Variants in UBE2D2 observed in about 807,000 individuals in gnomAD.
UBE2D2 encodes the protein ubiquitin-conjugating enzyme E2 D2.
Under a neutral mutation model 24.2 loss-of-function variants are expected in UBE2D2, and 2 were observed. The ratio of observed to expected loss-of-function variants is 0.08; its 90% CI spans 0.03 to 0.26. The LOEUF (loss-of-function observed/expected upper bound fraction) is 0.26, where lower values mean the gene tolerates loss of function less well. UBE2D2 is among the 10% of genes least tolerant of loss of function. UBE2D2 has a pLI of 1.00. For synonymous variants in UBE2D2, 58 were observed against 56.5 expected (o/e 1.03, Z -0.12); for missense variants, 44 against 177.6 (o/e 0.25, Z 4.28).
chr5:139,575,530 A>G (rs1461821830), intron 1 of UBE2D2, among the ~76,000 whole-genome samples: 1 of 152,214 alleles, frequency 6.6e-6, no homozygotes, highest in Non-Finnish European at 1.5e-5. Flanking sequence ...AGCAAACTTC[A>G]AAATACTGTC....
intron 1 of UBE2D2, among the ~76,000 whole-genome samples, chr5:139,590,141 A>C (rs1284898072): frequency 6.6e-6 from 1 of 152,196 alleles, no homozygotes; most frequent in Admixed American, 6.6e-5. Context: ...AAAAATATTT[A>C]CCAAATCGTT....
upstream of UBE2D2, among the ~76,000 whole-genome samples, chr5:139,559,300 G>T (rs1753021151): frequency 6.6e-6 from 1 of 151,950 alleles, no homozygotes; most frequent in Non-Finnish European, 1.5e-5. Context: ...GCTTGCAGGT[G>T]CCTGTAGTCC....
chr5:139,561,548 G>A lies in UBE2D2; in HGVS notation c.-244G>A. ...AAGAGGCAGCTACGGCGGCGGCGGC[G>A]GTGGCGGCTAGGGCGGCGGCGAATA... On this transcript the variant is annotated 5_prime_UTR_variant, in exon 1 of 7. Transcript: ENST00000398733. 1 of 417,732 alleles carries A rather than the reference G, an allele frequency of 2.4e-6. No homozygotes were observed. The highest frequency in any genetic ancestry group is 4.2e-6 in the Non-Finnish European group (1 of 237,350). The allele number at this position is 417,732 out of a possible 1,614,324, so 25.9% of individuals were successfully genotyped here.
intron 2 of UBE2D2, among the ~76,000 whole-genome samples, chr5:139,613,953 T>C (rs1754374844): frequency 1.3e-5 from 2 of 151,830 alleles, no homozygotes; most frequent in Admixed American, 1.3e-4. Context: ...TCCCAGCTAC[T>C]TGGGAGGCTG....
At chr5:139,623,651 G>A (rs1002543045) in intron 6 of UBE2D2, 190 bp downstream of exon 6, 1 of 439,092 alleles carries the variant, frequency 2.3e-6, no homozygotes, top group Admixed American at 4.0e-5. Flanking sequence ...TCTTATCCCT[G>A]ATTGTTTCAC....
chr5:139,550,735 G>A (rs1411480454), intron 1 of UBE2D2, among the ~76,000 whole-genome samples: 2 of 150,562 alleles, frequency 1.3e-5, no homozygotes, highest in Non-Finnish European at 2.9e-5. Flanking sequence ...CTCCAGACGC[G>A]CTGCCTTAAG....
At chr5:139,554,362 G>A (rs562317540) in intron 1 of UBE2D2, among the ~76,000 whole-genome samples, 2 of 152,026 alleles carry the variant, frequency 1.3e-5, no homozygotes, top group African/African-American at 2.4e-5. Context: ...AAATCATCTC[G>A]CCAAAGTCAC....
intron 1 of UBE2D2, among the ~76,000 whole-genome samples, chr5:139,571,233 C>G (rs901718744): frequency 6.6e-6 from 1 of 151,758 alleles, no homozygotes; most frequent in Non-Finnish European, 1.5e-5. Context: ...ATGGTGAAAC[C>G]CCATCTCTAC....
Position 139,623,426 on chromosome 5 carries a change from T to A in UBE2D2, c.363T>A (p.Pro121=). The A allele has an allele frequency of 6.2e-7, 1 of 1,603,550 alleles. No homozygotes were observed. The highest frequency in any genetic ancestry group is 8.5e-7 in the Non-Finnish European group (1 of 1,172,038). ...CCAATCCAGATGATCCTTTAGTGCC[T>A]GAGATTGCTCGGATCTACAAAACAG... ...CDPNPDDPLV[P]EIARIYKTDR... Residue 121 remains proline (P), a synonymous_variant, in exon 6 of 7, where the codon CCT becomes CCA. Coordinates refer to ENST00000398733, the MANE Select transcript of UBE2D2 (RefSeq NM_003339.3).
chr5:139,569,948 G>T (rs1753315592), intron 1 of UBE2D2, among the ~76,000 whole-genome samples: 1 of 152,164 alleles, frequency 6.6e-6, no homozygotes, highest in South Asian at 2.1e-4. Flanking sequence ...TGGCAAGGTT[G>T]CTCATACTGC....
rs568272276 is a variant in UBE2D2, at chr5:139,615,553, A to T, written c.304+587A>T. 9.2e-5 allele frequency among the ~76,000 whole-genome samples: 14 copies of T among 152,298 alleles called. No homozygotes were observed. The East Asian group carries it at 2.7e-3, about 29-fold the overall frequency. On this transcript the variant is annotated intron_variant, in intron 5 of 6. Transcript: ENST00000398733. ...GAGCATAAAGTAGAGCACAATTAAC[A>T]TCTCTTCCAACCTTGAGATTCATGA...
chr5:139,589,287 G>A (rs192433367), intron 1 of UBE2D2, among the ~76,000 whole-genome samples: 6 of 152,196 alleles, frequency 3.9e-5, no homozygotes, highest in Admixed American at 1.3e-4. Context: ...GCCCGGGCAC[G>A]GTGGCTCGTG....
At position 139,592,294 on chromosome 5, in the gene UBE2D2, T is replaced by G. The variant is rs1471324685; in HGVS notation, c.25-8078T>G. 2.0e-5 allele frequency among the ~76,000 whole-genome samples: 3 copies of G among 152,160 alleles called. No homozygotes were observed. In the East Asian group the frequency reaches 5.8e-4, roughly 29 times the overall value. ...TTTCCAGTTTGTGCCATTTTGCCCTTTGCCCTCCCGTGCTTTCCCCTCAAA... is the reference window on the plus strand; with the variant it reads ...TTTCCAGTTTGTGCCATTTTGCCCTGTGCCCTCCCGTGCTTTCCCCTCAAA... On this transcript the variant is annotated intron_variant, in intron 1 of 6. Transcript: ENST00000398733.
intron 1 of UBE2D2, among the ~76,000 whole-genome samples, chr5:139,548,193 A>AAAAAAAAAAAAAAATAAATAAATAAAT: frequency 2.5e-4 from 12 of 47,090 alleles, no homozygotes; most frequent in Non-Finnish European, 3.4e-4. Context: ...ATAAAAAAAA[A>AAAAAAAAAAAAAAATAAATAAATAAAT]AAATAAATAA....
chr5:139,583,002 T>A lies in UBE2D2; in HGVS notation c.25-17370T>A, dbSNP rs144828089. Among the ~76,000 whole-genome samples the A allele has an allele frequency of 1.6e-3, 243 of 148,072 alleles. 1 individual carries two copies. The highest frequency in any genetic ancestry group is 5.7e-3 in the African/African-American group (228 of 39,956). ...CTTTTTTTTTTTTTTGAAGACGGCGTCTCGCTTTGTCGCCCGGGCTGGAGT... is the reference window on the plus strand; with the variant it reads ...CTTTTTTTTTTTTTTGAAGACGGCGACTCGCTTTGTCGCCCGGGCTGGAGT... On this transcript the variant is annotated intron_variant, in intron 1 of 6. Coordinates refer to ENST00000398733, the MANE Select transcript of UBE2D2 (RefSeq NM_003339.3).
chr5:139,603,005 T>A (rs369102322), intron 2 of UBE2D2, among the ~76,000 whole-genome samples: 3 of 152,078 alleles, frequency 2.0e-5, no homozygotes, highest in East Asian at 1.9e-4. Flanking sequence ...GAGTAGAAAT[T>A]TTAAATTGTT....
At chr5:139,545,404 A>C (rs1752812820) in intron 1 of UBE2D2, among the ~76,000 whole-genome samples, 1 of 141,288 alleles carries the variant, frequency 7.1e-6, no homozygotes, top group Non-Finnish European at 1.5e-5. Context: ...ATTGCGTGTT[A>C]CCAGATTTTA....
chr5:139,531,040 G>A (rs1752590877), intron 1 of UBE2D2, among the ~76,000 whole-genome samples: 1 of 152,154 alleles, frequency 6.6e-6, no homozygotes, highest in African/African-American at 2.4e-5. Context: ...AAAAACAAAA[G>A]TGAGAACTCC....
intron 1 of UBE2D2, among the ~76,000 whole-genome samples, chr5:139,570,380 G>A (rs371754397): frequency 1.3e-5 from 2 of 152,040 alleles, no homozygotes; most frequent in African/African-American, 4.8e-5. Context: ...TACCTCTGTC[G>A]CCCAGGCTGA....
Sources: gnomAD v4.1 joint callset for allele counts (sites outside exome capture counted in the v4.1 genomes callset) on GRCh38, gnomAD v4.1.1 for gene constraint, MANE v1.5 for transcripts, NCBI Gene and HGNC (gene_info 2026-07-23, HGNC 2026-07-21) for gene names.